The following PSIP1 variants were observed in gnomAD, a reference collection of about 807,000 sequenced individuals.
The protein encoded by PSIP1 is PC4 and SFRS1-interacting protein.
PSIP1 carries 19 observed loss-of-function variants against 74.7 expected under a neutral mutation model. The observed-to-expected ratio is 0.25, with a 90% CI of 0.18 to 0.37. The LOEUF (loss-of-function observed/expected upper bound fraction) is 0.37, where lower values mean the gene tolerates loss of function less well. Among genes scored for constraint, PSIP1 ranks in the 10% least tolerant of loss-of-function variants. The pLI, the probability that PSIP1 is intolerant of heterozygous loss-of-function variation, is 1.00. For synonymous variants in PSIP1, 222 were observed against 195.3 expected, an observed-to-expected ratio of 1.14 and a Z score of -1.14; for missense variants, 601 against 614.3, an observed-to-expected ratio of 0.98 and a Z score of 0.23.
In PSIP1 at chr9:15,472,739, A is replaced by C. The variant is rs773920786; in HGVS notation, c.870T>G (p.Gly290=). The C allele has an allele frequency of 4.2e-5, 68 of 1,604,008 alleles. No homozygotes were observed. Among genetic ancestry groups the C allele is most frequent in the Non-Finnish European group, 5.3e-5 (63 of 1,177,600 alleles). ...DDQEGEKKRK[G]GRNFQTAHRR... ...TGTGAGCAGTCTGAAAGTTCCTCCC[A>C]CCTTTTCTCTTCTGTTTTGAGAATT... Residue 290 remains glycine (G), a synonymous_variant, in exon 10 of 16, where the codon GGT becomes GGG. Coordinates refer to ENST00000380733, the MANE Select transcript of PSIP1 (RefSeq NM_033222.5).
chr9:15,482,386 A>G (rs2036374528), intron 6 of PSIP1, among the ~76,000 whole-genome samples: 1 of 152,072 alleles, frequency 6.6e-6, no homozygotes, highest in Non-Finnish European at 1.5e-5. Context: ...CCTCCCACCA[A>G]CAGCTGCATA....
At chr9:15,507,079 AAAT>A (rs2037625522) in intron 2 of PSIP1, among the ~76,000 whole-genome samples, 1 of 152,224 alleles carries the variant, frequency 6.6e-6, no homozygotes, top group Admixed American at 6.5e-5. Flanking sequence ...AAATCTATAC[AAAT>A]AACAGACTAA....
chr9:15,472,471 G>C, intron 10 of PSIP1, 161 bp downstream of exon 10: 1 of 1,397,884 alleles, frequency 7.2e-7, no homozygotes, highest in Non-Finnish European at 9.2e-7. Context: ...AATGAAGCCT[G>C]AAATAAGATC....
intron 3 of PSIP1, among the ~76,000 whole-genome samples, chr9:15,498,018 G>A (rs1318244766): frequency 2.0e-5 from 3 of 151,946 alleles, no homozygotes; most frequent in Non-Finnish European, 4.4e-5. Context: ...ACCTATTGTT[G>A]GGCCATTTTC....
chr9:15,482,643 A>G (rs2036384430), intron 6 of PSIP1, among the ~76,000 whole-genome samples: 2 of 152,190 alleles, frequency 1.3e-5, no homozygotes, highest in South Asian at 4.1e-4. Context: ...TTTACATAAA[A>G]TAATTTATAC....
chr9:15,504,045 C>T (rs941230701), intron 3 of PSIP1, among the ~76,000 whole-genome samples: 2 of 152,234 alleles, frequency 1.3e-5, no homozygotes, highest in South Asian at 4.1e-4. Context: ...GCGCCCAGCC[C>T]AAAAATTAAT....
At chr9:15,476,625 G>C (rs1010247259) in intron 8 of PSIP1, among the ~76,000 whole-genome samples, 1 of 152,152 alleles carries the variant, frequency 6.6e-6, no homozygotes, top group African/African-American at 2.4e-5. Context: ...CCTTCAGATG[G>C]ACAAATGATT....
chr9:15,494,026 T>G (rs931031268), intron 3 of PSIP1, among the ~76,000 whole-genome samples: 1 of 152,182 alleles, frequency 6.6e-6, no homozygotes, highest in Non-Finnish European at 1.5e-5. Context: ...GACGTAAGTA[T>G]GTTGATAATT....
At chr9:15,483,169 G>A (rs1269238563) in intron 6 of PSIP1, among the ~76,000 whole-genome samples, 1 of 152,124 alleles carries the variant, frequency 6.6e-6, no homozygotes, top group Non-Finnish European at 1.5e-5. Flanking sequence ...GACTGCATCT[G>A]TAACTTACAT....
intron 6 of PSIP1, among the ~76,000 whole-genome samples, chr9:15,485,510 A>G (rs936317152): frequency 6.6e-6 from 1 of 152,218 alleles, no homozygotes; most frequent in African/African-American, 2.4e-5. Context: ...GGTGTGAACA[A>G]AACTTCGTAT....
At chr9:15,468,498 T>C (rs2035722700) in intron 14 of PSIP1, 132 bp downstream of exon 14, 1 of 993,380 alleles carries the variant, frequency 1.0e-6, no homozygotes. Flanking sequence ...CATCAGATTT[T>C]CACCATTTTG....
intron 3 of PSIP1, chr9:15,506,282 T>G: frequency 3.5e-6 from 1 of 286,930 alleles, no homozygotes; most frequent in Non-Finnish European, 6.6e-6. Context: ...TCAGATCACT[T>G]ATTAAAACTT....
At chr9:15,496,457 G>T (rs1354822262) in intron 3 of PSIP1, among the ~76,000 whole-genome samples, 2 of 152,066 alleles carry the variant, frequency 1.3e-5, no homozygotes, top group African/African-American at 2.4e-5. Context: ...ATAGCAAAGT[G>T]GTTTATTAAA....
In PSIP1 at chr9:15,465,418, A is replaced by G; in HGVS notation, c.*102T>C. 1 of 1,074,860 alleles carries G rather than the reference A, an allele frequency of 9.3e-7. No homozygotes were observed. The highest frequency in any genetic ancestry group is 1.6e-5 in the African/African-American group (1 of 61,458). The allele number at this position is 1,074,860 out of a possible 1,614,324, so 66.6% of individuals were successfully genotyped here. ...TTCTCCCTCAAAACAAGTTTTCAAC[A>G]TCAAACCTATGCTTATAAAAATTTA... On this transcript the variant is annotated 3_prime_UTR_variant, in exon 16 of 16. Coordinates refer to ENST00000380733, the MANE Select transcript of PSIP1 (RefSeq NM_033222.5).
At chr9:15,468,228 C>G (rs2035712729) in intron 14 of PSIP1, 1 of 417,552 alleles carries the variant, frequency 2.4e-6, no homozygotes. Flanking sequence ...CAGGTGTAGT[C>G]TCCACCTATG....
At chr9:15,472,814 A>G (rs1318149729) in intron 9 of PSIP1, 64 bp from the exon 10 acceptor site, 1 of 1,423,130 alleles carries the variant, frequency 7.0e-7, no homozygotes, top group Non-Finnish European at 9.5e-7. Context: ...TTATGGAATT[A>G]TAATCTTGGG....
intron 3 of PSIP1, among the ~76,000 whole-genome samples, chr9:15,497,834 C>A (rs1434162881): frequency 6.6e-6 from 1 of 152,126 alleles, no homozygotes; most frequent in Non-Finnish European, 1.5e-5. Context: ...CACAATCTCA[C>A]CAACTAAATC....
intron 3 of PSIP1, among the ~76,000 whole-genome samples, chr9:15,496,024 T>C (rs892802978): frequency 6.6e-6 from 1 of 152,206 alleles, no homozygotes; most frequent in Non-Finnish European, 1.5e-5. Flanking sequence ...GGGGACATCA[T>C]TAGGAGACAG....
intron 5 of PSIP1, among the ~76,000 whole-genome samples, 199 bp downstream of exon 5, chr9:15,486,628 A>C (rs2036566206): frequency 6.6e-6 from 1 of 152,210 alleles, no homozygotes; most frequent in Admixed American, 6.5e-5. Flanking sequence ...AAATAATAAC[A>C]GGTATGCATC....
Sources: allele counts gnomAD v4.1 joint callset (sites outside exome capture counted in the v4.1 genomes callset), GRCh38; gene constraint gnomAD v4.1.1; transcripts MANE v1.5; gene names NCBI Gene and HGNC (gene_info 2026-07-23, HGNC 2026-07-21).